Variants in TENM4 observed in about 807,000 individuals in gnomAD.
TENM4 encodes the protein teneurin transmembrane protein 4.
In TENM4, 82 loss-of-function variants were observed where a neutral mutation model predicts 243.3. The ratio of observed to expected loss-of-function variants is 0.34; its 90% CI spans 0.28 to 0.40. The LOEUF (loss-of-function observed/expected upper bound fraction) is 0.40, where lower values mean the gene tolerates loss of function less well. Ranked by LOEUF, TENM4 falls within the 10% of genes least tolerant of loss-of-function variation. The pLI is 1.00. For missense variants in TENM4, 3,138 were observed against 3,673.3 expected, an observed-to-expected ratio of 0.85 and a Z score of 3.77; for synonymous variants, 1,412 against 1,456.3, an observed-to-expected ratio of 0.97 and a Z score of 0.69.
rs1218141713 is a variant in TENM4 at position 78,732,473 on chromosome 11, A to G, written c.2981T>C (p.Phe994Ser). 5 of 1,613,802 alleles carry G rather than the reference A, an allele frequency of 3.1e-6. No individual in the cohort carries two copies. The highest frequency in any genetic ancestry group is 8.5e-7 in the Non-Finnish European group (1 of 1,179,830). Residue 994 changes from phenylalanine (F) to serine (S), a missense_variant, in exon 21 of 34, where the codon TTT (phenylalanine) becomes TCT (serine). Phe to Ser is a radical substitution (Grantham distance 155). Around this residue, in one of 2 missense-constraint regions of TENM4, gnomAD observed 2,467 missense variants for 3,059.1 expected, o/e 0.81. Coordinates refer to ENST00000278550, the MANE Select transcript of TENM4 (RefSeq NM_001098816.3). ...HTLWLPWDRF[F>S]VMETIIMRHE... ...TCTCATGATGATGGTTTCCATGACA[A>G]AGAAGCGATCCCATGGCAGCCACAG...
chr11:78,951,481 G>A (rs1053399929), intron 6 of TENM4, among the ~76,000 whole-genome samples: 1 of 152,198 alleles, frequency 6.6e-6, no homozygotes, highest in African/African-American at 2.4e-5. Flanking sequence ...GTCTTAGTCG[G>A]CTTAGGCTGC....
At chr11:79,432,338 G>A (rs1268061488) in intron 1 of TENM4, among the ~76,000 whole-genome samples, 2 of 152,154 alleles carry the variant, frequency 1.3e-5, no homozygotes, top group African/African-American at 4.8e-5. Context: ...GCTAATTAAT[G>A]TTTGCAAAGA....
intron 6 of TENM4, among the ~76,000 whole-genome samples, chr11:79,046,005 G>A (rs939162638): frequency 3.3e-5 from 5 of 152,196 alleles, no homozygotes; most frequent in Non-Finnish European, 7.3e-5. Flanking sequence ...ATGGTGTCGA[G>A]AGCATCTGCA....
At chr11:79,163,996 T>C (rs1210773203) in intron 3 of TENM4, among the ~76,000 whole-genome samples, 1 of 97,118 alleles carries the variant, frequency 1.0e-5, no homozygotes, top group Admixed American at 1.2e-4. Flanking sequence ...AGTGTATATA[T>C]AGTATAGTAT....
chr11:78,936,016 G>A (rs937853858), intron 6 of TENM4, among the ~76,000 whole-genome samples: 5 of 152,174 alleles, frequency 3.3e-5, no homozygotes, highest in African/African-American at 9.7e-5. Flanking sequence ...TTCACTTAAT[G>A]TAACAGTTCA....
At chr11:79,072,745 T>C (rs1860447981) in intron 4 of TENM4, among the ~76,000 whole-genome samples, 1 of 152,196 alleles carries the variant, frequency 6.6e-6, no homozygotes, top group Admixed American at 6.6e-5. Flanking sequence ...AATGAGGATT[T>C]ATGGCAACTG....
chr11:79,316,746 A>C (rs571194219), intron 1 of TENM4, among the ~76,000 whole-genome samples: 2 of 152,268 alleles, frequency 1.3e-5, no homozygotes, highest in East Asian at 3.9e-4. Flanking sequence ...TGTGGATTAT[A>C]GTCAATAGCC....
chr11:79,371,059 T>C (rs907477739), intron 1 of TENM4, among the ~76,000 whole-genome samples: 2 of 152,148 alleles, frequency 1.3e-5, no homozygotes, highest in African/African-American at 4.8e-5. Flanking sequence ...CAAACTTATG[T>C]AGTGTCAAAG....
intron 2 of TENM4, among the ~76,000 whole-genome samples, chr11:79,238,841 G>A (rs1366523012): frequency 1.3e-5 from 2 of 151,960 alleles, no homozygotes; most frequent in Non-Finnish European, 2.9e-5. Context: ...CTTGGCGATC[G>A]TGGTGAAACC....
chr11:78,750,393 G>C (rs1856161071), intron 19 of TENM4, among the ~76,000 whole-genome samples: 1 of 152,222 alleles, frequency 6.6e-6, no homozygotes. Context: ...GATAAATGAT[G>C]CTCTAATGGC....
intron 1 of TENM4, among the ~76,000 whole-genome samples, chr11:79,383,757 C>G (rs535091479): frequency 1.3e-5 from 2 of 152,276 alleles, no homozygotes; most frequent in East Asian, 1.9e-4. Context: ...AAACAAAACA[C>G]CACATTACTG....
intron 28 of TENM4, among the ~76,000 whole-genome samples, chr11:78,690,107 G>A: frequency 6.6e-6 from 1 of 152,152 alleles, no homozygotes; most frequent in East Asian, 1.9e-4. Context: ...ACGGAGTCAG[G>A]TTCTGCCAGG....
chr11:79,030,292 A>G (rs1032056637), intron 6 of TENM4, among the ~76,000 whole-genome samples: 3 of 152,190 alleles, frequency 2.0e-5, no homozygotes, highest in African/African-American at 7.2e-5. Flanking sequence ...TTGAGCCTCG[A>G]AGAAGTGAAG....
intron 2 of TENM4, among the ~76,000 whole-genome samples, chr11:79,228,179 C>A (rs1864306333): frequency 6.6e-6 from 1 of 152,216 alleles, no homozygotes; most frequent in East Asian, 1.9e-4. Context: ...GGGACAAAGA[C>A]TTGCAAGCTC....
chr11:79,412,018 C>G (rs1858711674), intron 1 of TENM4, among the ~76,000 whole-genome samples: 1 of 152,208 alleles, frequency 6.6e-6, no homozygotes, highest in African/African-American at 2.4e-5. Flanking sequence ...TGATGCTTGG[C>G]TCAGCCACAA....
At chr11:79,322,268 C>T (rs1418267887) in intron 1 of TENM4, among the ~76,000 whole-genome samples, 5 of 152,188 alleles carry the variant, frequency 3.3e-5, no homozygotes, top group Admixed American at 6.5e-5. Flanking sequence ...GGATTCAGGG[C>T]CATGCTAATC....
intron 7 of TENM4, among the ~76,000 whole-genome samples, chr11:78,900,231 T>C (rs1374081256): frequency 1.3e-5 from 2 of 152,246 alleles, no homozygotes; most frequent in Non-Finnish European, 2.9e-5. Flanking sequence ...CAATAGATAA[T>C]CACAGCAGAA....
At chr11:79,179,403 A>C (rs1863237944) in intron 3 of TENM4, among the ~76,000 whole-genome samples, 1 of 152,246 alleles carries the variant, frequency 6.6e-6, no homozygotes. Flanking sequence ...AGAGTTGAGT[A>C]GTTGTGACAG....
At chr11:78,877,815 A>G (rs562749468) in intron 9 of TENM4, among the ~76,000 whole-genome samples, 23 of 152,270 alleles carry the variant, frequency 1.5e-4, no homozygotes, top group Non-Finnish European at 2.9e-4. Flanking sequence ...TGCCAGGGGG[A>G]AGGGGCAGGC....
Sources: allele counts gnomAD v4.1 joint callset (sites outside exome capture counted in the v4.1 genomes callset), GRCh38; gene constraint gnomAD v4.1.1; regional missense constraint gnomAD v4.1.1; transcripts MANE v1.5; gene names NCBI Gene and HGNC (gene_info 2026-07-23, HGNC 2026-07-21).